The following TOM1L2 variants were observed in gnomAD, a reference collection of about 807,000 sequenced individuals.
TOM1L2 encodes TOM1-like protein 2.
In TOM1L2, 31 loss-of-function variants were observed where a neutral mutation model predicts 67.9. That is an observed-to-expected ratio of 0.46 (90% confidence interval 0.34 to 0.62). TOM1L2 has a LOEUF of 0.62. TOM1L2 is among the 20% of genes least tolerant of loss of function. The probability of loss-of-function intolerance (pLI) is 0.01; values close to 1 mark genes in which losing one functional copy is unlikely to be tolerated. For synonymous variants in TOM1L2, 256 were observed against 254.0 expected (o/e 1.01, Z -0.07); for missense variants, 606 against 663.5 (o/e 0.91, Z 0.95).
chr17:17,878,287 G>GGA (rs2037527734), intron 7 of TOM1L2, among the ~76,000 whole-genome samples: 1 of 152,250 alleles, frequency 6.6e-6, no homozygotes, highest in Admixed American at 6.5e-5. Context: ...TGGGAACTAG[G>GGA]GAGAGGCCAC....
chr17:17,952,385 T>C (rs1165984864), intron 1 of TOM1L2, among the ~76,000 whole-genome samples: 5 of 120,718 alleles, frequency 4.1e-5, no homozygotes, highest in African/African-American at 9.5e-5. Flanking sequence ...TCTTTTTTTT[T>C]TTTTTTTTTT....
chr17:17,952,919 G>C (rs894922429), intron 1 of TOM1L2, among the ~76,000 whole-genome samples: 13 of 152,146 alleles, frequency 8.5e-5, no homozygotes, highest in Admixed American at 2.6e-4. Context: ...TGCCCTGACA[G>C]AACAGGAAGG....
chr17:17,922,151 C>T (rs1333460386), intron 1 of TOM1L2, among the ~76,000 whole-genome samples: 1 of 152,216 alleles, frequency 6.6e-6, no homozygotes, highest in Non-Finnish European at 1.5e-5. Context: ...CTGCAGCCAG[C>T]CATCCAGGAC....
chr17:17,949,302 T>C (rs572896609), intron 1 of TOM1L2, among the ~76,000 whole-genome samples: 1 of 152,230 alleles, frequency 6.6e-6, no homozygotes, highest in South Asian at 2.1e-4. Context: ...TTACTGAACA[T>C]CTAGCACGGC....
chr17:17,946,742 T>C (rs1362888742), intron 1 of TOM1L2, among the ~76,000 whole-genome samples: 2 of 152,058 alleles, frequency 1.3e-5, no homozygotes, highest in Non-Finnish European at 2.9e-5. Flanking sequence ...TTTTTTTTTT[T>C]AAGACAGAGT....
At chr17:17,895,625 T>C (rs2038530378) in intron 3 of TOM1L2, among the ~76,000 whole-genome samples, 1 of 152,198 alleles carries the variant, frequency 6.6e-6, no homozygotes, top group African/African-American at 2.4e-5. Flanking sequence ...TGTCAGTCAG[T>C]GCCAGAAGGA....
intron 1 of TOM1L2, among the ~76,000 whole-genome samples, chr17:17,914,079 C>A (rs2039523292): frequency 6.6e-6 from 1 of 152,236 alleles, no homozygotes; most frequent in African/African-American, 2.4e-5. Context: ...CTTGAGGAGG[C>A]TGCTGGATTT....
chr17:17,894,699 G>A (rs952022478), intron 3 of TOM1L2, among the ~76,000 whole-genome samples: 2 of 152,236 alleles, frequency 1.3e-5, no homozygotes, highest in Non-Finnish European at 2.9e-5. Flanking sequence ...GGGAGGCCGA[G>A]GCAGGTGGAT....
intron 1 of TOM1L2, among the ~76,000 whole-genome samples, chr17:17,966,677 C>T (rs921337143): frequency 2.6e-5 from 4 of 152,208 alleles, no homozygotes; most frequent in Admixed American, 6.5e-5. Flanking sequence ...TTCTAGGCTT[C>T]ACTCTGCCAT....
rs2143834473 is a variant in TOM1L2 at position 17,869,107 on chromosome 17, G to C, written c.911+233C>G. 4 of 711,924 alleles carry C rather than the reference G, an allele frequency of 5.6e-6. 1 individual carries two copies. The South Asian group carries it at 7.6e-5, about 14-fold the overall frequency. 44.1% of individuals were successfully genotyped at this position (711,924 alleles called of 1,614,324 possible). ...GGCAGAGCAGCCTGAGGCTTACAAAGGGCAGAGCCTAATTCTGCACGTCAA... is the reference window on the plus strand; with the variant it reads ...GGCAGAGCAGCCTGAGGCTTACAAACGGCAGAGCCTAATTCTGCACGTCAA... On this transcript the variant is annotated intron_variant, in intron 8 of 14. Coordinates refer to ENST00000379504, the MANE Select transcript of TOM1L2 (RefSeq NM_001082968.2).
intron 13 of TOM1L2, 42 bp from the exon 14 acceptor site, chr17:17,848,901 A>G: frequency 6.2e-7 from 1 of 1,610,756 alleles, no homozygotes; most frequent in Non-Finnish European, 8.5e-7. Flanking sequence ...GCACTGGTCC[A>G]AGCACTGCCC....
intron 11 of TOM1L2, 116 bp from the exon 12 acceptor site, chr17:17,861,667 A>G (rs2036567123): frequency 2.3e-6 from 2 of 877,098 alleles, no homozygotes; most frequent in Admixed American, 4.6e-5. Context: ...TGTCCTTGGA[A>G]AAACATTTCC....
intron 1 of TOM1L2, among the ~76,000 whole-genome samples, chr17:17,913,704 A>T (rs2039506252): frequency 6.6e-6 from 1 of 152,166 alleles, no homozygotes; most frequent in Non-Finnish European, 1.5e-5. Context: ...AAATCCCAGT[A>T]ATTGAATAGA....
At chr17:17,912,674 C>T (rs184884476) in intron 1 of TOM1L2, among the ~76,000 whole-genome samples, 2,618 of 151,236 alleles carry the variant, frequency 0.017, 31 homozygotes, top group Non-Finnish European at 0.028. Flanking sequence ...GGATGGCGGC[C>T]GGACGGAGAC....
intron 1 of TOM1L2, among the ~76,000 whole-genome samples, chr17:17,909,650 G>C (rs2039257164): frequency 6.6e-6 from 1 of 152,118 alleles, no homozygotes; most frequent in South Asian, 2.1e-4. Flanking sequence ...TTTCAGTTTG[G>C]GGAAAATGAA....
intron 1 of TOM1L2, among the ~76,000 whole-genome samples, chr17:17,914,514 T>A (rs2039546161): frequency 6.6e-6 from 1 of 152,158 alleles, no homozygotes; most frequent in Non-Finnish European, 1.5e-5. Context: ...AGAGAGGGGG[T>A]ATGGCATCTC....
intron 8 of TOM1L2, among the ~76,000 whole-genome samples, 178 bp from the exon 9 acceptor site, chr17:17,867,102 C>G (rs546027669): frequency 2.6e-5 from 4 of 151,886 alleles, no homozygotes; most frequent in Non-Finnish European, 4.4e-5. Flanking sequence ...GGGGCTCCCC[C>G]TGAGAGGATC....
At chr17:17,856,338 T>G (rs1442793824) in intron 12 of TOM1L2, among the ~76,000 whole-genome samples, 1 of 152,256 alleles carries the variant, frequency 6.6e-6, no homozygotes, top group Non-Finnish European at 1.5e-5. Context: ...TGGGGTCTAG[T>G]GGAGGAACTG....
At chr17:17,872,944 G>A (rs1169757184) in intron 7 of TOM1L2, among the ~76,000 whole-genome samples, 1 of 152,220 alleles carries the variant, frequency 6.6e-6, no homozygotes, top group Non-Finnish European at 1.5e-5. Flanking sequence ...GGGGAGTGTG[G>A]CAGTAGGTTG....
Sources: allele counts gnomAD v4.1 joint callset (sites outside exome capture counted in the v4.1 genomes callset), GRCh38; gene constraint gnomAD v4.1.1; transcripts MANE v1.5; gene names NCBI Gene and HGNC (gene_info 2026-07-23, HGNC 2026-07-21).